WDPCP: variants seen among roughly 807,000 people sequenced by gnomAD.
WDPCP encodes WD repeat-containing and planar cell polarity effector protein fritz homolog.
In WDPCP, 71 loss-of-function variants were observed where a neutral mutation model predicts 93.1. That is an observed-to-expected ratio of 0.76 (90% CI 0.63 to 0.93). The LOEUF (loss-of-function observed/expected upper bound fraction) is 0.93, where lower values mean the gene tolerates loss of function less well. WDPCP is among the 40% of genes least tolerant of loss of function. The pLI is 0.00. For missense variants in WDPCP, 844 were observed against 887.4 expected, an observed-to-expected ratio of 0.95 and a Z score of 0.62; for synonymous variants, 315 against 315.0, an observed-to-expected ratio of 1.00 and a Z score of 0.00.
intron 12 of WDPCP, among the ~76,000 whole-genome samples, chr2:63,324,463 C>T (rs1384257710): frequency 6.6e-6 from 1 of 152,150 alleles, no homozygotes; most frequent in Non-Finnish European, 1.5e-5. Context: ...AACCCAGGTA[C>T]ATGTCCCCTT....
intron 14 of WDPCP, among the ~76,000 whole-genome samples, chr2:63,245,404 A>G (rs1680192720): frequency 6.6e-6 from 1 of 152,222 alleles, no homozygotes; most frequent in Non-Finnish European, 1.5e-5. Context: ...TATTTATTGC[A>G]CAGAAAGTCG....
intron 1 of WDPCP, among the ~76,000 whole-genome samples, chr2:63,523,145 G>C (rs1703067343): frequency 6.6e-6 from 1 of 152,074 alleles, no homozygotes; most frequent in Non-Finnish European, 1.5e-5. Context: ...ATGCAAGATT[G>C]GTTCAACATA....
chr2:63,718,466 G>A (rs1203818184), intron 2 of WDPCP, among the ~76,000 whole-genome samples: 4 of 152,060 alleles, frequency 2.6e-5, no homozygotes, highest in Non-Finnish European at 4.4e-5. Context: ...GATGTAAGAT[G>A]GTATCTCGTG....
chr2:63,313,219 G>A, intron 13 of WDPCP, 29 bp downstream of exon 13: 3 of 1,606,362 alleles, frequency 1.9e-6, no homozygotes, highest in Non-Finnish European at 1.7e-6. Flanking sequence ...AGAACTGAAG[G>A]CACAAAATCA....
chr2:63,672,987 A>G (rs1710362720), intron 2 of WDPCP, among the ~76,000 whole-genome samples: 1 of 152,082 alleles, frequency 6.6e-6, no homozygotes, highest in African/African-American at 2.4e-5. Context: ...TCCTGGGCTC[A>G]AGTGATCCTT....
At chr2:63,629,219 A>G (rs1709841226) in intron 3 of WDPCP, among the ~76,000 whole-genome samples, 1 of 152,194 alleles carries the variant, frequency 6.6e-6, no homozygotes, top group Non-Finnish European at 1.5e-5. Context: ...GCTTTGCAAC[A>G]GAAAAAACTT....
At chr2:63,347,141 G>T (rs1307163963) in intron 12 of WDPCP, among the ~76,000 whole-genome samples, 2 of 152,040 alleles carry the variant, frequency 1.3e-5, no homozygotes, top group Non-Finnish European at 2.9e-5. Flanking sequence ...ACTATTTTAA[G>T]TACCTTACAT....
At chr2:63,407,095 A>G (rs1180444007) in intron 9 of WDPCP, among the ~76,000 whole-genome samples, 1 of 152,184 alleles carries the variant, frequency 6.6e-6, no homozygotes, top group Non-Finnish European at 1.5e-5. Flanking sequence ...GAAGTAAAAT[A>G]AAGCAAAGTA....
chr2:63,763,547 T>C (rs1670090101), intron 2 of WDPCP, among the ~76,000 whole-genome samples: 1 of 151,870 alleles, frequency 6.6e-6, no homozygotes, highest in Non-Finnish European at 1.5e-5. Context: ...GTGAATTCAT[T>C]TGCAGTAAGA....
intron 6 of WDPCP, among the ~76,000 whole-genome samples, chr2:63,459,607 A>G (rs937493128): frequency 1.3e-5 from 2 of 152,184 alleles, no homozygotes; most frequent in Admixed American, 6.5e-5. Context: ...GGAAAATAGT[A>G]TGGAGATTTA....
At chr2:63,655,464 T>C (rs1710157210) in intron 2 of WDPCP, among the ~76,000 whole-genome samples, 1 of 152,136 alleles carries the variant, frequency 6.6e-6, no homozygotes, top group African/African-American at 2.4e-5. Flanking sequence ...TACACTCTTC[T>C]ATAATTTTTT....
At chr2:63,281,767 T>A (rs1163003233) in intron 13 of WDPCP, among the ~76,000 whole-genome samples, 1 of 152,146 alleles carries the variant, frequency 6.6e-6, no homozygotes, top group Non-Finnish European at 1.5e-5. Flanking sequence ...AAGTGGGAGC[T>A]AAGCTATGAC....
intron 13 of WDPCP, among the ~76,000 whole-genome samples, chr2:63,297,880 T>G (rs1388089117): frequency 6.6e-6 from 1 of 152,136 alleles, no homozygotes; most frequent in Non-Finnish European, 1.5e-5. Context: ...GTAATGTGTC[T>G]GATTTGGGTG....
At chr2:63,476,893 G>C (rs1700004779) in intron 6 of WDPCP, among the ~76,000 whole-genome samples, 1 of 152,200 alleles carries the variant, frequency 6.6e-6, no homozygotes, top group East Asian at 1.9e-4. Flanking sequence ...AAAATAATTT[G>C]TACTTTTACA....
At chr2:63,448,354 A>G (rs1384114136) in intron 6 of WDPCP, among the ~76,000 whole-genome samples, 1 of 152,146 alleles carries the variant, frequency 6.6e-6, no homozygotes, top group East Asian at 1.9e-4. Flanking sequence ...ATGTTTCAAG[A>G]AAGTAAGCTT....
intron 2 of WDPCP, among the ~76,000 whole-genome samples, chr2:63,741,104 G>A (rs767143151): frequency 2.6e-5 from 4 of 152,076 alleles, no homozygotes; most frequent in Non-Finnish European, 4.4e-5. Flanking sequence ...GATAATGTCT[G>A]CCTTTAGGGA....
chr2:63,282,563 G>C (rs985232558), intron 13 of WDPCP, among the ~76,000 whole-genome samples: 1 of 151,526 alleles, frequency 6.6e-6, no homozygotes, highest in Non-Finnish European at 1.5e-5. Flanking sequence ...AGAGAACTCA[G>C]AAAGAAATCT....
intron 16 of WDPCP, 166 bp from the exon 17 acceptor site, chr2:63,153,111 C>A: frequency 1.6e-6 from 1 of 627,658 alleles, no homozygotes; most frequent in Non-Finnish European, 2.8e-6. Flanking sequence ...ATGAAAGTGC[C>A]AATCATTTTC....
chr2:63,836,249 C>T, the WDPCP span, among the ~76,000 whole-genome samples: 1 of 152,188 alleles, frequency 6.6e-6, no homozygotes, highest in African/African-American at 2.4e-5. Context: ...AGTTCTTTAT[C>T]CTTTCCTTTC....
Sources: allele counts gnomAD v4.1 joint callset (sites outside exome capture counted in the v4.1 genomes callset), GRCh38; gene constraint gnomAD v4.1.1; transcripts MANE v1.5; gene names NCBI Gene and HGNC (gene_info 2026-07-23, HGNC 2026-07-21).